Variants in PCDHA10 observed in about 807,000 individuals in gnomAD.
The protein encoded by PCDHA10 is protocadherin alpha 10, also known as protocadherin alpha-10.
A neutral mutation model predicts 61.2 loss-of-function variants in PCDHA10; 45 were observed. That is an observed-to-expected ratio of 0.74 (90% CI 0.58 to 0.94). The LOEUF is 0.94. PCDHA10 is among the 40% of genes least tolerant of loss of function. PCDHA10 has a pLI of 0.00. For missense variants in PCDHA10, 1,278 were observed against 1,236.2 expected (o/e 1.03, Z -0.51); for synonymous variants, 602 against 548.8 (o/e 1.10, Z -1.35).
chr5:140,856,703 C>T lies in PCDHA10; in HGVS notation c.655C>T (p.Pro219Ser), dbSNP rs1413055800. 1 of 1,596,452 alleles carries T rather than the reference C, an allele frequency of 6.3e-7. No individual in the cohort carries two copies. The highest frequency in any genetic ancestry group is 8.6e-7 in the Non-Finnish European group (1 of 1,166,300). Residue 219 changes from proline (P) to serine (S), a missense_variant, in exon 1 of 4, where the codon CCT becomes TCT. Physicochemically the swap from Pro to Ser is moderately conservative, Grantham distance 74 (BLOSUM62 -1). Coordinates refer to ENST00000307360, the MANE Select transcript of PCDHA10 (RefSeq NM_018901.4). ...LLLTATDGGK[P>S]EFTGSVSLLI... Reference sequence around the variant, plus strand: ...GTTGACAGCAACTGATGGAGGCAAACCTGAATTTACCGGATCTGTTTCTCT... The same window carrying T: ...GTTGACAGCAACTGATGGAGGCAAATCTGAATTTACCGGATCTGTTTCTCT...
intron 1 of PCDHA10, among the ~76,000 whole-genome samples, chr5:140,896,543 T>C (rs2065615880): frequency 6.6e-6 from 1 of 151,466 alleles, no homozygotes; most frequent in Non-Finnish European, 1.5e-5. Flanking sequence ...TTTCTTTTTT[T>C]TTTTTGTATT....
At chr5:140,941,244 T>TTTCG (rs2092953100) in intron 1 of PCDHA10, among the ~76,000 whole-genome samples, 1 of 141,602 alleles carries the variant, frequency 7.1e-6, no homozygotes, top group South Asian at 2.3e-4. Context: ...TCTTTCTTTC[T>TTTCG]TTCTTTCTTT....
intron 2 of PCDHA10, among the ~76,000 whole-genome samples, chr5:140,982,129 A>G (rs2153827592): frequency 6.6e-6 from 1 of 152,376 alleles, no homozygotes; most frequent in East Asian, 1.9e-4. Context: ...TTTGAGAACA[A>G]GCCCTCCTCA....
chr5:140,868,747 T>C, intron 1 of PCDHA10: 1 of 213,646 alleles, frequency 4.7e-6, no homozygotes, highest in South Asian at 1.1e-4. Context: ...TACAATGCCA[T>C]TTCCATATAT....
Position 140,857,788 on chromosome 5 carries a change from G to GCTGC in PCDHA10, c.1741_1744dup (p.Arg582ProfsTer12). 6.3e-7 allele frequency: 1 copy of GCTGC among 1,597,732 alleles called. No homozygotes were observed. Among genetic ancestry groups the GCTGC allele is most frequent in the South Asian group, 1.1e-5 (1 of 90,478 alleles). On this transcript the variant is annotated frameshift_variant, in exon 1 of 4. Coordinates refer to ENST00000307360, the MANE Select transcript of PCDHA10 (RefSeq NM_018901.4). LOFTEE classifies it high-confidence loss of function. Reference sequence around the variant, plus strand: ...CGGGCGGTGCAGTCAGTGAGCTGGTGCTGCGGTCGGTGGTTGCGGGTCACG... The same window carrying GCTGC: ...CGGGCGGTGCAGTCAGTGAGCTGGTGCTGCCTGCGGTCGGTGGTTGCGGGTCACG...
chr5:140,918,003 T>A (rs1223893662), intron 1 of PCDHA10, among the ~76,000 whole-genome samples: 1 of 152,216 alleles, frequency 6.6e-6, no homozygotes, highest in African/African-American at 2.4e-5. Flanking sequence ...ATCTTAACAA[T>A]GTTGTTTCTT....
In PCDHA10 at chr5:140,856,841, G is replaced by C. The variant is rs781868199; in HGVS notation, c.793G>C (p.Ala265Pro). The C allele has an allele frequency of 2.2e-5, 35 of 1,592,304 alleles. 4 individuals are homozygous for C. The Middle Eastern group carries it at 5.0e-4, about 23-fold the overall frequency. ...CCAAACATTAGTAATACGGCTCAAC[G>C]CTTCTGATTCGGATGAAGGAATAAA... The part of the protein sequence containing the change: ...VNQTLVIRLN[A>P]SDSDEGINKE... Residue 265 changes from alanine (A) to proline (P), a missense_variant, in exon 1 of 4, where the codon GCT becomes CCT. Coordinates refer to ENST00000307360, the MANE Select transcript of PCDHA10 (RefSeq NM_018901.4).
intron 1 of PCDHA10, among the ~76,000 whole-genome samples, chr5:140,921,063 T>G (rs1054649837): frequency 6.6e-6 from 1 of 152,078 alleles, no homozygotes; most frequent in Admixed American, 6.6e-5. Context: ...CACTCTAACC[T>G]TGAACTCTTG....
At chr5:140,875,049 T>C (rs2055250146) in intron 1 of PCDHA10, among the ~76,000 whole-genome samples, 1 of 152,252 alleles carries the variant, frequency 6.6e-6, no homozygotes, top group Non-Finnish European at 1.5e-5. Context: ...ATTTCTACTT[T>C]GAAGCAGAAA....
In PCDHA10 at chr5:140,856,659, A is replaced by C; in HGVS notation, c.611A>C (p.Asn204Thr). ...VLRKLLDREENPQLKLLLTAT... is the reference protein window; with the variant it reads ...VLRKLLDREETPQLKLLLTAT... ...CGGAAGCTGCTGGATCGTGAAGAAA[A>C]TCCTCAGCTAAAGTTGTTGTTGACA... The change falls in exon 1 of 4, where the codon AAT becomes ACT. Residue 204 changes from asparagine (N) to threonine (T), a missense_variant. Asn to Thr is a moderately conservative substitution (Grantham distance 65). Transcript: ENST00000307360. 1 of 1,598,186 alleles carries C rather than the reference A, an allele frequency of 6.3e-7. No homozygotes were observed. The highest frequency in any genetic ancestry group is 8.6e-7 in the Non-Finnish European group (1 of 1,167,708).
chr5:140,870,759 G>C, intron 1 of PCDHA10: 1 of 1,613,572 alleles, frequency 6.2e-7, no homozygotes, highest in South Asian at 1.1e-5. Context: ...CGCTGCAGGT[G>C]TTCGTGCTGG....
In PCDHA10 at chr5:140,882,697, A is replaced by G. The variant is rs145968658; in HGVS notation, c.2388+24261A>G. 60 of 1,614,238 alleles carry G rather than the reference A, an allele frequency of 3.7e-5. No homozygotes were observed. The African/African-American group carries it at 6.5e-4, about 18-fold the overall frequency. On this transcript the variant is annotated intron_variant, in intron 1 of 3. Transcript: ENST00000307360. ...AAAGCAAGAAACGAATAATCATTGC[A>G]GAATCTAGACCTCCGGAAACTCGAT...
At chr5:141,003,988 C>T (rs1554259401) in intron 3 of PCDHA10, among the ~76,000 whole-genome samples, 1 of 152,120 alleles carries the variant, frequency 6.6e-6, no homozygotes, top group African/African-American at 2.4e-5. Context: ...TGCCGGAGAT[C>T]CTAGAAGGGA....
intron 1 of PCDHA10, among the ~76,000 whole-genome samples, chr5:140,965,769 A>G (rs571022357): frequency 2.0e-5 from 3 of 152,376 alleles, no homozygotes; most frequent in Admixed American, 2.0e-4. Flanking sequence ...GTCAAATAAT[A>G]GATTTGCCTA....
At chr5:140,895,912 A>G (rs1215168324) in intron 1 of PCDHA10, among the ~76,000 whole-genome samples, 1 of 152,146 alleles carries the variant, frequency 6.6e-6, no homozygotes, top group African/African-American at 2.4e-5. Context: ...CCCGGGCTCA[A>G]CAATTATCCT....
rs568082033 is a variant in PCDHA10, at chr5:140,926,946, AG to A, written c.2389-52002del. On this transcript the variant is annotated intron_variant, in intron 1 of 3. Transcript: ENST00000307360. ...GTTTGTGGGTTTCCTGCGGCGCTGC[AG>A]CGGGACAGCTCGAGTACTCAGTGCC... 60 of 1,590,228 alleles carry A rather than the reference AG, an allele frequency of 3.8e-5. No individual in the cohort carries two copies. The African/African-American group carries it at 7.7e-4, about 20-fold the overall frequency.
intron 1 of PCDHA10, chr5:140,871,619 A>C: frequency 7.1e-7 from 1 of 1,415,536 alleles, no homozygotes; most frequent in Non-Finnish European, 9.4e-7. Context: ...ATTGTTTTAG[A>C]TAACAATGTC....
chr5:140,925,806 C>A (rs2082736423), intron 1 of PCDHA10, among the ~76,000 whole-genome samples: 1 of 152,148 alleles, frequency 6.6e-6, no homozygotes, highest in South Asian at 2.1e-4. Flanking sequence ...TTCCCCTCCA[C>A]TTCTCACGTC....
At chr5:141,002,757 A>G (rs1234528731) in intron 3 of PCDHA10, among the ~76,000 whole-genome samples, 1 of 152,224 alleles carries the variant, frequency 6.6e-6, no homozygotes, top group African/African-American at 2.4e-5. Context: ...CAACCCTGTG[A>G]TGTAGACAGG....
Sources: allele counts gnomAD v4.1 joint callset (sites outside exome capture counted in the v4.1 genomes callset), GRCh38; gene constraint gnomAD v4.1.1; transcripts MANE v1.5; gene names NCBI Gene and HGNC (gene_info 2026-07-23, HGNC 2026-07-21).